The following GBF1 variants were observed in gnomAD, a reference collection of about 807,000 sequenced individuals.
The protein encoded by GBF1 is golgi brefeldin A resistant guanine nucleotide exchange factor 1.
Under a neutral mutation model 210.5 loss-of-function variants are expected in GBF1, and 114 were observed. The observed-to-expected ratio is 0.54, with a 90% confidence interval of 0.47 to 0.63. The LOEUF (loss-of-function observed/expected upper bound fraction) is 0.63. GBF1 is among the 30% of genes least tolerant of loss of function. The pLI, the probability that GBF1 is intolerant of heterozygous loss-of-function variation, is 0.00. For missense variants in GBF1, 1,851 were observed against 2,357.7 expected (o/e 0.79, Z 4.45); for synonymous variants, 850 against 889.2 (o/e 0.96, Z 0.78).
chr10:102,258,937 A>T lies in GBF1; in HGVS notation c.-2A>T, dbSNP rs1407188103. On this transcript the variant is annotated 5_prime_UTR_variant, in exon 2 of 40. The change creates a new upstream start codon in the 5' untranslated region. Coordinates refer to ENST00000369983, the MANE Select transcript of GBF1 (RefSeq NM_001377137.1). Reference sequence around the variant, plus strand: ...CTTAACTGTTTTGGTAGGTTTGCCAAGATGGTGGATAAGAATATTTACATC... The same window carrying T: ...CTTAACTGTTTTGGTAGGTTTGCCATGATGGTGGATAAGAATATTTACATC... 1.9e-6 allele frequency: 3 copies of T among 1,572,982 alleles called. No individual in the cohort carries two copies. Among genetic ancestry groups the T allele is most frequent in the Non-Finnish European group, 1.8e-6 (2 of 1,142,520 alleles).
chr10:102,361,229 C>G (rs1364776324), intron 13 of GBF1, 109 bp downstream of exon 13: 29 of 719,404 alleles, frequency 4.0e-5, no homozygotes, highest in Non-Finnish European at 6.1e-5. Context: ...TAGGGACTTC[C>G]TATAGGAGAG....
At chr10:102,251,598 G>A (rs2133911944) in intron 1 of GBF1, among the ~76,000 whole-genome samples, 1 of 152,188 alleles carries the variant, frequency 6.6e-6, no homozygotes, top group Non-Finnish European at 1.5e-5. Context: ...CTGTCACCCA[G>A]GCTGGAGTAC....
chr10:102,327,560 C>T (rs1021245377), intron 3 of GBF1, among the ~76,000 whole-genome samples: 3 of 152,210 alleles, frequency 2.0e-5, no homozygotes, highest in Admixed American at 1.3e-4. Context: ...GATTCTCTGG[C>T]GGCCCTCCTC....
intron 1 of GBF1, among the ~76,000 whole-genome samples, chr10:102,246,767 C>T (rs1368241519): frequency 3.3e-5 from 5 of 152,110 alleles, no homozygotes; most frequent in Non-Finnish European, 7.4e-5. Flanking sequence ...CCAAGGGTAA[C>T]GAATGCTTTT....
At chr10:102,355,823 G>A (rs1210489489) in intron 8 of GBF1, among the ~76,000 whole-genome samples, 3 of 152,220 alleles carry the variant, frequency 2.0e-5, no homozygotes, top group South Asian at 2.1e-4. Context: ...AGTAGAGCCA[G>A]GAGGTCTCTC....
chr10:102,365,911 T>C (rs1217212068), intron 18 of GBF1, among the ~76,000 whole-genome samples: 1,624 of 151,526 alleles, frequency 0.011, 23 homozygotes, highest in African/African-American at 0.037. Context: ...AGTGAGATCA[T>C]GCCACTGTGA....
At position 102,340,385 on chromosome 10, in the gene GBF1, G is replaced by C. The variant is rs1379990355; in HGVS notation, c.164-3666G>C. Among the ~76,000 whole-genome samples the C allele has an allele frequency of 2.0e-5, 3 of 147,090 alleles. No individual in the cohort carries two copies. The East Asian group carries it at 6.0e-4, about 30-fold the overall frequency. On this transcript the variant is annotated intron_variant, in intron 3 of 39. Coordinates refer to ENST00000369983, the MANE Select transcript of GBF1 (RefSeq NM_001377137.1). ...CCTCCCAGGTTCACGCCATTCTCCTGCCTCAGCCTTCCTGAGTAGCTGGGA... is the reference window on the plus strand; with the variant it reads ...CCTCCCAGGTTCACGCCATTCTCCTCCCTCAGCCTTCCTGAGTAGCTGGGA...
chr10:102,287,168 C>G (rs1261854131), intron 3 of GBF1, among the ~76,000 whole-genome samples: 3 of 152,040 alleles, frequency 2.0e-5, no homozygotes, highest in Admixed American at 1.3e-4. Flanking sequence ...ATTTCCCCAT[C>G]AAACTTGCTT....
intron 8 of GBF1, among the ~76,000 whole-genome samples, chr10:102,354,508 T>C (rs1306798156): frequency 1.3e-5 from 2 of 152,166 alleles, no homozygotes; most frequent in African/African-American, 2.4e-5. Flanking sequence ...TTTATTTCTT[T>C]CAATGTTTAT....
At chr10:102,343,113 A>G (rs941409287) in intron 3 of GBF1, among the ~76,000 whole-genome samples, 2 of 152,216 alleles carry the variant, frequency 1.3e-5, no homozygotes, top group African/African-American at 4.8e-5. Flanking sequence ...CTAGGCAGGA[A>G]ACAGGCCGGA....
intron 3 of GBF1, among the ~76,000 whole-genome samples, chr10:102,282,953 G>T (rs1219504894): frequency 6.6e-6 from 1 of 152,190 alleles, no homozygotes; most frequent in Non-Finnish European, 1.5e-5. Flanking sequence ...GGAGGGATGA[G>T]TAAAGGGGAG....
intron 2 of GBF1, among the ~76,000 whole-genome samples, chr10:102,259,761 G>A (rs993647159): frequency 6.6e-6 from 1 of 152,298 alleles, no homozygotes; most frequent in Admixed American, 6.5e-5. Context: ...AGAGAAGACA[G>A]AATAATACAC....
At chr10:102,285,124 A>G (rs1219144266) in intron 3 of GBF1, among the ~76,000 whole-genome samples, 1 of 152,212 alleles carries the variant, frequency 6.6e-6, no homozygotes, top group Admixed American at 6.5e-5. Context: ...AAAATTTCCA[A>G]TAAACAGCGA....
At chr10:102,322,583 C>T (rs1013227213) in intron 3 of GBF1, among the ~76,000 whole-genome samples, 1 of 151,830 alleles carries the variant, frequency 6.6e-6, no homozygotes, top group African/African-American at 2.4e-5. Flanking sequence ...TGACAAAATA[C>T]TAGTGTTAGT....
At chr10:102,248,281 T>C (rs557687177) in intron 1 of GBF1, among the ~76,000 whole-genome samples, 1 of 152,150 alleles carries the variant, frequency 6.6e-6, no homozygotes, top group South Asian at 2.1e-4. Flanking sequence ...TGTTACTCTT[T>C]TTTTTTTTTA....
At chr10:102,305,733 G>T (rs1203795412) in intron 3 of GBF1, among the ~76,000 whole-genome samples, 4 of 152,040 alleles carry the variant, frequency 2.6e-5, no homozygotes, top group Admixed American at 2.0e-4. Flanking sequence ...AAAGAAAAAA[G>T]AAAAAAAGAA....
intron 3 of GBF1, among the ~76,000 whole-genome samples, chr10:102,326,312 A>G (rs1393535016): frequency 6.6e-6 from 1 of 152,222 alleles, no homozygotes; most frequent in East Asian, 1.9e-4. Flanking sequence ...CAGGGCTTCA[A>G]TGAGAATATT....
At chr10:102,361,155 AAAAAT>A (rs1186126382) in intron 13 of GBF1, 35 bp downstream of exon 13, 1 of 1,082,592 alleles carries the variant, frequency 9.2e-7, no homozygotes, top group African/African-American at 1.5e-5. Context: ...AAGGGGGAAA[AAAAAT>A]AGGGAGATAT....
intron 3 of GBF1, among the ~76,000 whole-genome samples, chr10:102,333,716 C>A (rs2057509446): frequency 6.6e-6 from 1 of 152,102 alleles, no homozygotes; most frequent in Admixed American, 6.6e-5. Context: ...TGTAAGCCAC[C>A]ACACCTGGCC....
Sources: allele counts gnomAD v4.1 joint callset (sites outside exome capture counted in the v4.1 genomes callset), GRCh38; gene constraint gnomAD v4.1.1; transcripts MANE v1.5; gene names NCBI Gene and HGNC (gene_info 2026-07-23, HGNC 2026-07-21).